The following CHRM3 variants were observed in gnomAD, a reference collection of about 807,000 sequenced individuals.
The protein encoded by CHRM3 is muscarinic acetylcholine receptor M3.
CHRM3 carries 11 observed loss-of-function variants against 41.8 expected under a neutral mutation model. The ratio of observed to expected loss-of-function variants is 0.26; its 90% CI spans 0.17 to 0.44. The LOEUF is 0.44. Ranked by LOEUF, CHRM3 falls within the 20% of genes least tolerant of loss-of-function variation. The probability of loss-of-function intolerance (pLI) is 1.00; values close to 1 mark genes in which losing one functional copy is unlikely to be tolerated. For missense variants in CHRM3, 571 were observed against 745.4 expected (o/e 0.77, Z 2.72); for synonymous variants, 297 against 301.4 (o/e 0.99, Z 0.15).
At chr1:239,617,662 G>T (rs902347266) in intron 3 of CHRM3, among the ~76,000 whole-genome samples, 3 of 152,110 alleles carry the variant, frequency 2.0e-5, no homozygotes, top group African/African-American at 7.2e-5. Flanking sequence ...TCAGTCCAGG[G>T]GTTCTAGGCT....
intron 3 of CHRM3, among the ~76,000 whole-genome samples, chr1:239,584,092 A>T (rs2148603599): frequency 6.7e-6 from 1 of 149,092 alleles, no homozygotes; most frequent in South Asian, 2.1e-4. Flanking sequence ...GATTCGAATT[A>T]GTCATTCTTC....
At chr1:239,794,057 C>T (rs1049510789) in intron 5 of CHRM3, among the ~76,000 whole-genome samples, 7 of 151,910 alleles carry the variant, frequency 4.6e-5, no homozygotes, top group Non-Finnish European at 1.0e-4. Context: ...CACCTGCCTT[C>T]GCCTCCCAAA....
chr1:239,546,558 T>A (rs1041452577), intron 3 of CHRM3: 7 of 152,300 alleles, frequency 4.6e-5, no homozygotes, highest in Admixed American at 4.6e-4. Context: ...AGATAAATGA[T>A]AAAATCCTCA....
chr1:239,527,356 A>G (rs566957255), intron 2 of CHRM3, among the ~76,000 whole-genome samples: 1 of 134,852 alleles, frequency 7.4e-6, no homozygotes, highest in Admixed American at 7.5e-5. Context: ...TTTTATGAAA[A>G]CTAGATTTCT....
intron 5 of CHRM3, among the ~76,000 whole-genome samples, chr1:239,681,622 A>T (rs1658573880): frequency 6.6e-6 from 1 of 152,210 alleles, no homozygotes; most frequent in Non-Finnish European, 1.5e-5. Flanking sequence ...GTCTGGGTAC[A>T]GTGGCTCATG....
At chr1:239,680,764 T>C (rs1658481832) in intron 5 of CHRM3, among the ~76,000 whole-genome samples, 1 of 152,004 alleles carries the variant, frequency 6.6e-6, no homozygotes, top group African/African-American at 2.4e-5. Context: ...TTTCTCCTTC[T>C]GCTCAGACAT....
At chr1:239,530,468 A>T (rs1670325473) in intron 2 of CHRM3, among the ~76,000 whole-genome samples, 1 of 152,200 alleles carries the variant, frequency 6.6e-6, no homozygotes, top group Admixed American at 6.5e-5. Context: ...GAAAATGGAG[A>T]CTTCCAGAGT....
chr1:239,878,709 G>A (rs1204429210), intron 6 of CHRM3, among the ~76,000 whole-genome samples: 1 of 151,964 alleles, frequency 6.6e-6, no homozygotes, highest in African/African-American at 2.4e-5. Flanking sequence ...TGTCGGACAT[G>A]AGGGCAAAGG....
chr1:239,666,460 C>T (rs558773645), intron 4 of CHRM3, among the ~76,000 whole-genome samples: 1 of 151,972 alleles, frequency 6.6e-6, no homozygotes, highest in East Asian at 1.9e-4. Context: ...CCAAAGTGCT[C>T]GGATTACAGG....
At chr1:239,764,908 G>A (rs1452833752) in intron 5 of CHRM3, among the ~76,000 whole-genome samples, 7 of 152,220 alleles carry the variant, frequency 4.6e-5, no homozygotes, top group Non-Finnish European at 7.3e-5. Context: ...ATCCTGTGAA[G>A]GAATTTAGTC....
intron 1 of CHRM3, among the ~76,000 whole-genome samples, chr1:239,477,803 T>C (rs971522740): frequency 2.0e-5 from 3 of 152,028 alleles, no homozygotes; most frequent in Admixed American, 1.3e-4. Flanking sequence ...AGCAGAAGAG[T>C]CCAAAGGCTG....
intron 1 of CHRM3, among the ~76,000 whole-genome samples, chr1:239,395,904 C>T: frequency 6.6e-6 from 1 of 152,178 alleles, no homozygotes; most frequent in East Asian, 1.9e-4. Flanking sequence ...CTTCCATTGC[C>T]TGTTGAATAA....
intron 4 of CHRM3, among the ~76,000 whole-genome samples, chr1:239,669,800 G>A (rs10754677): frequency 0.5 from 75,270 of 152,006 alleles, 19,491 homozygotes; most frequent in East Asian, 0.72. Context: ...AAAGTTACAA[G>A]CATATTCAAA....
chr1:239,550,685 A>G (rs1186991045), intron 3 of CHRM3, among the ~76,000 whole-genome samples: 1 of 152,206 alleles, frequency 6.6e-6, no homozygotes, highest in East Asian at 1.9e-4. Context: ...AAGTATTTTT[A>G]GCAAAAGATA....
At chr1:239,476,918 A>C (rs536156689) in intron 1 of CHRM3, among the ~76,000 whole-genome samples, 1 of 152,310 alleles carries the variant, frequency 6.6e-6, no homozygotes, top group South Asian at 2.1e-4. Context: ...ACACAGGGAA[A>C]ATAAAATAAT....
chr1:239,412,030 CTCTT>C (rs1481327885), intron 1 of CHRM3, among the ~76,000 whole-genome samples: 1 of 151,392 alleles, frequency 6.6e-6, no homozygotes, highest in Non-Finnish European at 1.5e-5. Context: ...TCTTATAAAT[CTCTT>C]TCTTTATACT....
intron 5 of CHRM3, among the ~76,000 whole-genome samples, chr1:239,742,835 A>G (rs1454490962): frequency 6.6e-6 from 1 of 152,228 alleles, no homozygotes; most frequent in Non-Finnish European, 1.5e-5. Flanking sequence ...ATTCACTCAG[A>G]AACCATGACC....
intron 5 of CHRM3, among the ~76,000 whole-genome samples, chr1:239,809,403 C>T (rs905600970): frequency 9.9e-5 from 15 of 152,110 alleles, no homozygotes; most frequent in African/African-American, 3.1e-4. Context: ...AATGTCTGTT[C>T]GCCCACTTCC....
At chr1:239,589,631 TAA>T (rs1359082865) in intron 3 of CHRM3, among the ~76,000 whole-genome samples, 24 of 90,704 alleles carry the variant, frequency 2.6e-4, no homozygotes, top group Non-Finnish European at 3.6e-4. Flanking sequence ...TGCATATATA[TAA>T]AAAACTATAT....
Sources: gnomAD v4.1 joint callset for allele counts (sites outside exome capture counted in the v4.1 genomes callset) on GRCh38, gnomAD v4.1.1 for gene constraint, MANE v1.5 for transcripts, NCBI Gene and HGNC (gene_info 2026-07-23, HGNC 2026-07-21) for gene names.